The following SPTA1 variants were observed in gnomAD, a reference collection of about 807,000 sequenced individuals.
The protein encoded by SPTA1 is spectrin alpha chain, erythrocytic 1.
A neutral mutation model predicts 324.7 loss-of-function variants in SPTA1; 177 were observed. The ratio of observed to expected loss-of-function variants is 0.55; its 90% CI spans 0.48 to 0.62. The LOEUF (loss-of-function observed/expected upper bound fraction) is 0.62. Among genes scored for constraint, SPTA1 ranks in the 20% least tolerant of loss-of-function variants. SPTA1 has a pLI of 0.00. For missense variants in SPTA1, 3,162 were observed against 2,883.6 expected, an observed-to-expected ratio of 1.10 and a Z score of -2.21; for synonymous variants, 1,195 against 1,041.3, an observed-to-expected ratio of 1.15 and a Z score of -2.84.
intron 14 of SPTA1, 152 bp downstream of exon 14, chr1:158,669,256 C>G: frequency 9.4e-7 from 1 of 1,067,604 alleles, no homozygotes. Flanking sequence ...AAATAGCCTT[C>G]AGGGATTCAT....
At chr1:158,642,340 T>C in intron 33 of SPTA1, 71 bp downstream of exon 33, 6 of 1,460,704 alleles carry the variant, frequency 4.1e-6, no homozygotes, top group Non-Finnish European at 5.5e-6. Flanking sequence ...TACAATAAAT[T>C]AAAAAAAAAG....
At chr1:158,622,851 T>C (rs1387602174) in intron 43 of SPTA1, 132 bp downstream of exon 43, 5 of 903,258 alleles carry the variant, frequency 5.5e-6, no homozygotes, top group African/African-American at 3.3e-5. Flanking sequence ...AGTAAGAATG[T>C]CTTCCCAACA....
At chr1:158,624,906 A>C (rs1453190841) in intron 42 of SPTA1, among the ~76,000 whole-genome samples, 1 of 152,238 alleles carries the variant, frequency 6.6e-6, no homozygotes, top group Non-Finnish European at 1.5e-5. Flanking sequence ...AATGCCTGAA[A>C]GGCCACAGAG....
At chr1:158,647,435 G>T in intron 27 of SPTA1, 104 bp downstream of exon 27, 1 of 1,418,604 alleles carries the variant, frequency 7.0e-7, no homozygotes, top group Non-Finnish European at 9.9e-7. Context: ...AGACTTAAAC[G>T]TAGTGATGCC....
rs1437967455 is a variant in SPTA1 at position 158,666,442 on chromosome 1, A to G, written c.2094T>C (p.Asp698=). The G allele has an allele frequency of 6.2e-7, 1 of 1,613,124 alleles. No homozygotes were observed. Among genetic ancestry groups the G allele is most frequent in the East Asian group, 2.2e-5 (1 of 44,846 alleles). ...QQLQFENNAE[D]LQRWLEDVEW... is the part of the protein sequence containing the mutation. ...CAACATCCTCCAGCCAGCGCTGCAAATCTTCTGCATTATTTTCAAATTGCA... is the reference window on the plus strand; with the variant it reads ...CAACATCCTCCAGCCAGCGCTGCAAGTCTTCTGCATTATTTTCAAATTGCA... Residue 698 remains aspartate, a synonymous_variant, in exon 16 of 52, where the codon GAT becomes GAC. Coordinates refer to ENST00000643759, the MANE Select transcript of SPTA1 (RefSeq NM_003126.4).
At position 158,676,206 on chromosome 1, in the gene SPTA1, G is replaced by T; in HGVS notation, c.1047C>A (p.Val349=). ...PQIQEMKEDL[V]SSWEHIRALA... is the part of the protein sequence containing the mutation. ...GGGCACGAATATGCTCCCAGCTGGA[G>T]ACCAGATCTTCTTTCATCTCCTGGA... Residue 349 remains valine (V), a synonymous_variant, in exon 8 of 52, where the codon GTC becomes GTA. Coordinates refer to ENST00000643759, the MANE Select transcript of SPTA1 (RefSeq NM_003126.4). 6.2e-7 allele frequency: 1 copy of T among 1,613,798 alleles called. No homozygotes were observed. The highest frequency in any genetic ancestry group is 8.5e-7 in the Non-Finnish European group (1 of 1,179,824).
intron 33 of SPTA1, among the ~76,000 whole-genome samples, chr1:158,642,165 G>C (rs538037788): frequency 3.3e-5 from 5 of 151,972 alleles, no homozygotes; most frequent in Admixed American, 1.3e-4. Flanking sequence ...GTTGTGGGGT[G>C]GGGGGAGGAG....
rs1367946539 is a variant in SPTA1 at position 158,672,202 on chromosome 1, G to A, written c.1351-6C>T. 4 of 1,613,034 alleles carry A rather than the reference G, an allele frequency of 2.5e-6. No individual in the cohort carries two copies. The highest frequency in any genetic ancestry group is 3.4e-6 in the Non-Finnish European group (4 of 1,179,452). On this transcript the variant is annotated splice_polypyrimidine_tract_variant and splice_region_variant and intron_variant, in intron 10 of 51. Coordinates refer to ENST00000643759, the MANE Select transcript of SPTA1 (RefSeq NM_003126.4). ...TTGTTGTCAAGTATTTCCATCTTTG[G>A]AAAGAAGGAGATAATGTATATGGAA...
chr1:158,651,384 C>T lies in SPTA1; in HGVS notation c.3460G>A (p.Gly1154Arg). ...TTAGTTACCTGCCGGATTTGAGCTC[C>T]TTCTGGTGTTAGAAGTCCTTCAAAT... ...LLFEGLLTPE[G>R]AQIRQELNSR... The change falls in exon 24 of 52, where the codon GGA becomes AGA. Residue 1154 changes from glycine to arginine, a missense_variant. Gly to Arg is a moderately radical substitution (Grantham distance 125, BLOSUM62 -2). Transcript: ENST00000643759. The T allele has an allele frequency of 6.2e-7, 1 of 1,613,644 alleles. No individual in the cohort carries two copies. Among genetic ancestry groups the T allele is most frequent in the Non-Finnish European group, 8.5e-7 (1 of 1,179,624 alleles).
At position 158,669,530 on chromosome 1, in the gene SPTA1, C is replaced by T. The variant is rs76670910; in HGVS notation, c.1711G>A (p.Ala571Thr). The change falls in exon 14 of 52, where the codon GCT (alanine) becomes ACT (threonine). Residue 571 changes from alanine to threonine, a missense_variant. Ala to Thr is a moderately conservative substitution (Grantham distance 58, BLOSUM62 0). Transcript: ENST00000643759. ...TTCAGCAATCTACGTCTAGTGGCAGCCTTTTCACGTAGGGCATCCCGCCGG... is the reference window on the plus strand; with the variant it reads ...TTCAGCAATCTACGTCTAGTGGCAGTCTTTTCACGTAGGGCATCCCGCCGG... The part of the protein sequence containing the change: ...LARRDALREK[A>T]ATRRRLLKES... 2 of 1,613,988 alleles carry T rather than the reference C, an allele frequency of 1.2e-6. No homozygotes were observed. The highest frequency in any genetic ancestry group is 1.7e-6 in the Non-Finnish European group (2 of 1,179,994).
At position 158,686,651 on chromosome 1, in the gene SPTA1, A is replaced by AG. The variant is rs1243475721; in HGVS notation, c.-135_-134insC. On this transcript the variant is annotated 5_prime_UTR_variant, in exon 1 of 52. An upstream open reading frame in the 5' UTR gains an earlier in-frame stop. Transcript: ENST00000643759. ...CGTTAAGTATGTGGGGGAAAAAAAA[A>AG]AACCTCTTGCTTGGTCCTAGAATCC... The AG allele has an allele frequency of 2.7e-5, 19 of 715,878 alleles. No homozygotes were observed. Among genetic ancestry groups the AG allele is most frequent in the Non-Finnish European group, 4.4e-5 (18 of 411,384 alleles). 44.3% of individuals were successfully genotyped at this position (715,878 alleles called of 1,614,324 possible). A position where few individuals can be genotyped will look rare whatever the true frequency, so the allele number is the denominator to read the frequency against.
In SPTA1 at chr1:158,666,465, G is replaced by A; in HGVS notation, c.2071C>T (p.Gln691Ter). ...TQLHEANQQL[Q>*]FENNAEDLQR... Reference sequence around the variant, plus strand: ...AAATCTTCTGCATTATTTTCAAATTGCAGCTGCTGGTTGGCCTCATGCAAC... The same window carrying A: ...AAATCTTCTGCATTATTTTCAAATTACAGCTGCTGGTTGGCCTCATGCAAC... Residue 691 changes from glutamine (Q) to a stop codon, truncating the protein, a stop_gained, in exon 16 of 52, where the codon CAA becomes TAA. Transcript: ENST00000643759. LOFTEE classifies it high-confidence loss of function. 6.2e-7 allele frequency: 1 copy of A among 1,611,372 alleles called. No individual in the cohort carries two copies. The highest frequency in any genetic ancestry group is 8.5e-7 in the Non-Finnish European group (1 of 1,179,942).
At position 158,651,453 on chromosome 1, in the gene SPTA1, C is replaced by T; in HGVS notation, c.3391G>A (p.Glu1131Lys). 2 of 1,612,684 alleles carry T rather than the reference C, an allele frequency of 1.2e-6. No individual in the cohort carries two copies. The highest frequency in any genetic ancestry group is 1.7e-6 in the Non-Finnish European group (2 of 1,178,862). ...TTGTTGATATCCCTTAGCCGAGGCT[C>T]ATTGGTATTCAAATCCTGAATGGGA... ...DEFQKDLNTN[E>K]PRLRDINKVA... The change falls in exon 24 of 52, where the codon GAG becomes AAG. Residue 1131 changes from glutamate to lysine, a missense_variant. By Grantham distance (56) the Glu-to-Lys change is moderately conservative. Transcript: ENST00000643759.
At chr1:158,666,645 T>G (rs1190551151) in intron 15 of SPTA1, 148 bp from the exon 16 acceptor site, 13 of 761,350 alleles carry the variant, frequency 1.7e-5, no homozygotes, top group South Asian at 3.3e-5. Context: ...TCACAAAAAG[T>G]CATCTTAAAT....
chr1:158,668,186 G>C lies in SPTA1; in HGVS notation c.1834-124C>G, dbSNP rs947791783. 3.6e-6 allele frequency: 4 copies of C among 1,110,788 alleles called. No homozygotes were observed. The African/African-American group carries it at 4.7e-5, about 13-fold the overall frequency. The allele number at this position is 1,110,788 out of a possible 1,614,324, so 68.8% of individuals were successfully genotyped here. On this transcript the variant is annotated intron_variant, in intron 14 of 51. Transcript: ENST00000643759. ...ACGATGCTAACAAGAAGATAAAAGG[G>C]GGAAGTTTCCTAGTCCAACGTTTGA...
chr1:158,619,182 G>T (rs562787649), intron 45 of SPTA1, 40 bp downstream of exon 45: 2 of 1,562,374 alleles, frequency 1.3e-6, no homozygotes, highest in South Asian at 1.1e-5. Context: ...GCAAATGGTG[G>T]TGGCACAGGG....
rs1310448477 is a variant in SPTA1, at chr1:158,620,648, G to A, written c.6121-182C>T. On this transcript the variant is annotated intron_variant, in intron 43 of 51. Transcript: ENST00000643759. ...GGTTGAACATGTGAGTTAGCGGTAC[G>A]AGCCCTGGTTCTGGCATTTTCTCAT... 24 of 659,856 alleles carry A rather than the reference G, an allele frequency of 3.6e-5. 1 individual carries two copies. The highest frequency in any genetic ancestry group is 4.2e-4 in the Middle Eastern group (1 of 2,364). The allele number at this position is 659,856 out of a possible 1,614,324, so 40.9% of individuals were successfully genotyped here.
chr1:158,685,618 T>C (rs960883716), intron 1 of SPTA1, among the ~76,000 whole-genome samples: 1 of 152,140 alleles, frequency 6.6e-6, no homozygotes, highest in Non-Finnish European at 1.5e-5. Context: ...GATATAATTA[T>C]ATTGGACTGA....
intron 2 of SPTA1, among the ~76,000 whole-genome samples, chr1:158,684,731 T>C (rs901558979): frequency 2.6e-5 from 4 of 152,150 alleles, no homozygotes; most frequent in Non-Finnish European, 5.9e-5. Context: ...TGATGAATGC[T>C]TCACCATGAA....
Sources: gnomAD v4.1 joint callset for allele counts (sites outside exome capture counted in the v4.1 genomes callset) on GRCh38, gnomAD v4.1.1 for gene constraint, MANE v1.5 for transcripts, NCBI Gene and HGNC (gene_info 2026-07-23, HGNC 2026-07-21) for gene names.